Variants in USP24 observed in about 807,000 individuals in gnomAD.
USP24 encodes ubiquitin carboxyl-terminal hydrolase 24.
In USP24, 97 loss-of-function variants were observed where a neutral mutation model predicts 361.6. The ratio of observed to expected loss-of-function variants is 0.27; its 90% confidence interval spans 0.23 to 0.32. The LOEUF is 0.32. USP24 is among the 10% of genes least tolerant of loss of function. USP24 has a pLI of 1.00. For synonymous variants in USP24, 1,098 were observed against 1,124.6 expected, an observed-to-expected ratio of 0.98 and a Z score of 0.47; for missense variants, 2,353 against 3,165.6, an observed-to-expected ratio of 0.74 and a Z score of 6.16.
intron 37 of USP24, among the ~76,000 whole-genome samples, 176 bp downstream of exon 37, chr1:55,121,260 G>T (rs188429285): frequency 6.6e-6 from 1 of 152,298 alleles, no homozygotes; most frequent in Non-Finnish European, 1.5e-5. Flanking sequence ...GGTAGTAGAA[G>T]GAAAGGCAGT....
At chr1:55,112,214 CA>C (rs541223101) in intron 38 of USP24, among the ~76,000 whole-genome samples, 288 of 152,228 alleles carry the variant, frequency 1.9e-3, no homozygotes, top group African/African-American at 6.8e-3. Flanking sequence ...TTAATCTTTT[CA>C]AAAAACCAGC....
At chr1:55,189,531 T>A (rs1277423768) in intron 1 of USP24, among the ~76,000 whole-genome samples, 1 of 152,126 alleles carries the variant, frequency 6.6e-6, no homozygotes, top group African/African-American at 2.4e-5. Flanking sequence ...GGCAAATCCA[T>A]AGACACAGAA....
At chr1:55,214,357 C>A (rs1050848699) in intron 1 of USP24, among the ~76,000 whole-genome samples, 13 of 151,996 alleles carry the variant, frequency 8.6e-5, no homozygotes, top group Non-Finnish European at 1.2e-4. Flanking sequence ...AAACCTCGTG[C>A]CACAAAATCT....
At chr1:55,212,477 G>A (rs888250368) in intron 1 of USP24, among the ~76,000 whole-genome samples, 37 of 152,170 alleles carry the variant, frequency 2.4e-4, no homozygotes, top group African/African-American at 8.7e-4. Flanking sequence ...CTCACCAAGG[G>A]TTAAATAAAC....
chr1:55,097,304 T>C (rs1645518133), intron 48 of USP24, 132 bp from the exon 49 acceptor site: 2 of 1,135,112 alleles, frequency 1.8e-6, no homozygotes, highest in South Asian at 3.3e-5. Context: ...CCAGTTCAAG[T>C]ATAAAATCTC....
chr1:55,093,611 C>T (rs1645430276), intron 52 of USP24: 1 of 210,116 alleles, frequency 4.8e-6, no homozygotes, highest in Admixed American at 5.3e-5. Context: ...TCTCTCCAGA[C>T]AAAATAAGTT....
At chr1:55,125,814 T>A (rs1646412658) in intron 32 of USP24, 56 bp from the exon 33 acceptor site, 2 of 1,421,716 alleles carry the variant, frequency 1.4e-6, no homozygotes, top group Non-Finnish European at 9.6e-7. Context: ...TTTTTCATTT[T>A]AAATTTTCCA....
intron 63 of USP24, among the ~76,000 whole-genome samples, chr1:55,074,635 A>AAAATAAATAAAT (rs143014800): frequency 1.5e-4 from 21 of 138,920 alleles, no homozygotes; most frequent in African/African-American, 3.5e-4. Context: ...CCCTGTCTCA[A>AAAATAAATAAAT]AAATAAATAA....
chr1:55,100,807 C>A, intron 44 of USP24, 32 bp downstream of exon 44: 2 of 1,569,626 alleles, frequency 1.3e-6, no homozygotes, highest in Admixed American at 2.0e-5. Context: ...TATTTAACAT[C>A]TTTAAATCTC....
rs745603412 is a variant in USP24 at position 55,083,268 on chromosome 1, T to C, written c.6975+4A>G. On this transcript the variant is annotated splice_donor_region_variant and intron_variant, in intron 58 of 67. Coordinates refer to ENST00000294383, the MANE Select transcript of USP24 (RefSeq NM_015306.3). ...TCCACTAGGGATATAAAAGTAGTCCTTACCTGATTGTTTTGCCGACTGGCC... is the reference window on the plus strand; with the variant it reads ...TCCACTAGGGATATAAAAGTAGTCCCTACCTGATTGTTTTGCCGACTGGCC... 5 of 1,613,612 alleles carry C rather than the reference T, an allele frequency of 3.1e-6. No homozygotes were observed. Among genetic ancestry groups the C allele is most frequent in the Admixed American group, 1.7e-5 (1 of 59,982 alleles).
chr1:55,141,491 A>AC, intron 24 of USP24, 125 bp downstream of exon 24: 4 of 860,422 alleles, frequency 4.6e-6, no homozygotes, highest in Non-Finnish European at 7.3e-6. Context: ...CAGGATTATG[A>AC]CAGCTTGCAA....
At chr1:55,136,843 A>C (rs1196033047) in intron 28 of USP24, among the ~76,000 whole-genome samples, 10 of 152,192 alleles carry the variant, frequency 6.6e-5, no homozygotes, top group Non-Finnish European at 1.2e-4. Flanking sequence ...CCTAGTAGAC[A>C]CTTAAGAGAT....
intron 5 of USP24, 71 bp from the exon 6 acceptor site, chr1:55,166,674 A>ATCCTAAATGAAAAG: frequency 7.3e-7 from 1 of 1,363,004 alleles, no homozygotes; most frequent in African/African-American, 1.5e-5. Context: ...CATTTCTTTT[A>ATCCTAAATGAAAAG]TCCTAAATGA....
At chr1:55,154,814 G>A (rs777230538) in intron 12 of USP24, 36 bp from the exon 13 acceptor site, 6 of 1,533,068 alleles carry the variant, frequency 3.9e-6, no homozygotes, top group South Asian at 1.2e-5. Context: ...ATTAAGTCTT[G>A]GAACTCGGAA....
intron 50 of USP24, among the ~76,000 whole-genome samples, chr1:55,095,975 T>G (rs1645487300): frequency 6.6e-6 from 1 of 152,228 alleles, no homozygotes; most frequent in Non-Finnish European, 1.5e-5. Flanking sequence ...CAAATAGCTT[T>G]TTATCAAATA....
rs554415473 is a variant in USP24, at chr1:55,153,745, T to C, written c.1860+125A>G. 153 of 1,101,498 alleles carry C rather than the reference T, an allele frequency of 1.4e-4. 1 individual carries two copies. The highest frequency in any genetic ancestry group is 2.9e-4 in the Middle Eastern group (1 of 3,412). 68.2% of individuals were successfully genotyped at this position (1,101,498 alleles called of 1,614,324 possible). A position where few individuals can be genotyped will look rare whatever the true frequency, so the allele number is the denominator to read the frequency against. On this transcript the variant is annotated intron_variant, in intron 16 of 67. Coordinates refer to ENST00000294383, the MANE Select transcript of USP24 (RefSeq NM_015306.3). ...TAGGTCATAAACAAATTTTTAGACA[T>C]CAAGTTTAATATGAACATTAAGAAA...
chr1:55,087,931 T>C (rs532152465), intron 55 of USP24, among the ~76,000 whole-genome samples: 20 of 152,186 alleles, frequency 1.3e-4, no homozygotes, highest in African/African-American at 1.9e-4. Flanking sequence ...TGCAAGGACC[T>C]TGAGGCAGGA....
Position 55,068,993 on chromosome 1 carries a change from T to A in USP24, c.*52A>T. On this transcript the variant is annotated 3_prime_UTR_variant, in exon 68 of 68. Coordinates refer to ENST00000294383, the MANE Select transcript of USP24 (RefSeq NM_015306.3). ...GTTCGAGATTCTGATTCCAAGAAGG[T>A]GCTGAGCATCCAGTATTGTGTCTTG... 6.3e-7 allele frequency: 1 copy of A among 1,585,864 alleles called. No individual in the cohort carries two copies. Among genetic ancestry groups the A allele is most frequent in the Non-Finnish European group, 8.7e-7 (1 of 1,154,802 alleles).
intron 7 of USP24, 50 bp from the exon 8 acceptor site, chr1:55,162,314 C>G: frequency 6.9e-7 from 1 of 1,450,926 alleles, no homozygotes; most frequent in African/African-American, 1.5e-5. Flanking sequence ...GATTTTTTTC[C>G]TGTCAAAATT....
Sources: allele counts gnomAD v4.1 joint callset (sites outside exome capture counted in the v4.1 genomes callset), GRCh38; gene constraint gnomAD v4.1.1; transcripts MANE v1.5; gene names NCBI Gene and HGNC (gene_info 2026-07-23, HGNC 2026-07-21).